The following ZNF711 variants were observed in gnomAD, a reference collection of about 807,000 sequenced individuals.
ZNF711 encodes zinc finger protein 711.
In ZNF711, 3 loss-of-function variants were observed where a neutral mutation model predicts 43.5. The observed-to-expected ratio is 0.07, with a 90% confidence interval of 0.03 to 0.18. The LOEUF is 0.18. Ranked by LOEUF, ZNF711 falls within the 10% of genes least tolerant of loss-of-function variation. The pLI is 1.00. For synonymous variants in ZNF711, 209 were observed against 207.7 expected (o/e 1.01, Z -0.06); for missense variants, 412 against 604.0 (o/e 0.68, Z 3.33).
At position 85,247,203 on chromosome X, in the gene ZNF711, A is replaced by C; in HGVS notation, c.-27+15A>C. The C allele has an allele frequency of 3.2e-6, 1 of 309,054 alleles. No individual in the cohort carries two copies. The highest frequency in any genetic ancestry group is 5.6e-6 in the Non-Finnish European group (1 of 178,510). The allele number at this position is 309,054 out of a possible 1,213,427, so 25.5% of individuals were successfully genotyped here. On this transcript the variant is annotated intron_variant, in intron 3 of 10. Transcript: ENST00000674551. ...CCTCTAGTAATGTATAAATATCCTA[A>C]CTATTGTTTGTTGTCATCTCGTTCT...
At position 85,244,160 on chromosome X, in the gene ZNF711, AGCG is replaced by A; in HGVS notation, c.-428_-426del. ...CGGCGGCGGCGGCAGCGGCGGCGGCAGCGGCGGCGGCAGCTGTAGCTGCAGCAG... is the reference window on the plus strand; with the variant it reads ...CGGCGGCGGCGGCAGCGGCGGCGGCAGCGGCGGCAGCTGTAGCTGCAGCAG... On this transcript the variant is annotated 5_prime_UTR_variant, in exon 1 of 11. Transcript: ENST00000674551. 1 of 150,265 alleles carries A rather than the reference AGCG, an allele frequency of 6.7e-6. No homozygotes were observed. Among genetic ancestry groups the A allele is most frequent in the South Asian group, 2.2e-4 (1 of 4,607 alleles). 12.4% of individuals were successfully genotyped at this position (150,265 alleles called of 1,213,427 possible).
chrX:85,258,971 A>C, intron 5 of ZNF711, among the ~76,000 whole-genome samples: 1 of 111,209 alleles, frequency 9.0e-6, no homozygotes, highest in East Asian at 2.8e-4. Flanking sequence ...CTTAGTCATA[A>C]ATTCTTTCCC....
intron 5 of ZNF711, among the ~76,000 whole-genome samples, chrX:85,261,007 A>G (rs753860818): frequency 1.8e-5 from 2 of 111,653 alleles, no homozygotes; most frequent in Non-Finnish European, 3.8e-5. Context: ...TTAAAATCAT[A>G]AGGAAAATAA....
At chrX:85,254,801 CAAAAAAAAAAAA>C (rs376380248) in intron 4 of ZNF711, among the ~76,000 whole-genome samples, 1 of 35,855 alleles carries the variant, frequency 2.8e-5, no homozygotes, top group East Asian at 8.2e-4. Context: ...GACTCCGTCT[CAAAAAAAAAAAA>C]AAAAAAGAAA....
At chrX:85,259,235 G>T (rs1253823169) in intron 5 of ZNF711, among the ~76,000 whole-genome samples, 2 of 111,110 alleles carry the variant, frequency 1.8e-5, no homozygotes, top group Non-Finnish European at 1.9e-5. Context: ...TTGTTTATGG[G>T]TTCTCTTTTC....
In ZNF711 at chrX:85,247,550, T is replaced by C; in HGVS notation, c.-23T>C. 1 of 1,174,015 alleles carries C rather than the reference T, an allele frequency of 8.5e-7. No individual in the cohort carries two copies. The highest frequency in any genetic ancestry group is 1.2e-6 in the Non-Finnish European group (1 of 864,614). On this transcript the variant is annotated 5_prime_UTR_variant, in exon 4 of 11. Transcript: ENST00000674551. The stretch of plus-strand genomic sequence containing the variant: ...TTAAAAGCCATTTCTTTTGCAGATA[T>C]TGGTGAATGAACTTTGCTAAGTATG...
At chrX:85,263,820 A>G (rs919384684) in intron 5 of ZNF711, among the ~76,000 whole-genome samples, 3 of 111,179 alleles carry the variant, frequency 2.7e-5, no homozygotes, top group African/African-American at 9.7e-5. Context: ...AGATTTTTAT[A>G]TAATTGCGAT....
chrX:85,270,280 G>GTT (rs200962174), intron 10 of ZNF711, 134 bp downstream of exon 10: 489 of 488,100 alleles, frequency 1.0e-3, no homozygotes, highest in Non-Finnish European at 1.2e-3. Context: ...ATAGATAATT[G>GTT]TTTTTTTTTT....
Position 85,255,508 on chromosome X carries a change from A to C in ZNF711, c.329A>C (p.Asp110Ala), listed in dbSNP as rs774515441. Residue 110 changes from aspartate to alanine, a missense_variant, in exon 5 of 11, where the codon GAT (aspartate) becomes GCT (alanine). Transcript: ENST00000674551. ...GAGGATTTAGAGGAAGATGATGGTG[A>C]TCACATCTTGACTTCTGAACTAATT... ...IEEDLEEDDG[D>A]HILTSELITE... 8.3e-7 allele frequency: 1 copy of C among 1,211,879 alleles called. No individual in the cohort carries two copies. Among genetic ancestry groups the C allele is most frequent in the Non-Finnish European group, 1.1e-6 (1 of 895,514 alleles).
rs754773540 is a variant in ZNF711 at position 85,270,846 on chromosome X, G to A, written c.1442G>A (p.Ser481Asn). ...KKVSFHNHLE[S>N]HKLINKVDKT... ...GTGAGTTTCCATAACCACTTAGAAAGCCATAAGCTCATAAACAAAGTCGAC... is the reference window on the plus strand; with the variant it reads ...GTGAGTTTCCATAACCACTTAGAAAACCATAAGCTCATAAACAAAGTCGAC... The change falls in exon 11 of 11, where the codon AGC (serine) becomes AAC (asparagine). Residue 481 changes from serine (S) to asparagine (N), a missense_variant. This residue lies in a region of ZNF711 where 375 missense variants were observed against 514.2 expected (regional missense o/e 0.73). Coordinates refer to ENST00000674551, the MANE Select transcript of ZNF711 (RefSeq NM_001330574.2). The A allele has an allele frequency of 8.3e-7, 1 of 1,207,424 alleles. No homozygotes were observed. The highest frequency in any genetic ancestry group is 1.8e-5 in the South Asian group (1 of 56,349).
At chrX:85,249,540 T>A (rs1929361213) in intron 4 of ZNF711, among the ~76,000 whole-genome samples, 1 of 111,693 alleles carries the variant, frequency 9.0e-6, no homozygotes, top group Non-Finnish European at 1.9e-5. Context: ...ATTTACATAA[T>A]GTTCCTTTTA....
intron 5 of ZNF711, among the ~76,000 whole-genome samples, chrX:85,262,680 G>A (rs1930764276): frequency 9.1e-6 from 1 of 110,448 alleles, no homozygotes; most frequent in South Asian, 3.7e-4. Context: ...ATGAAAATAT[G>A]TAGACTTTAT....
Position 85,270,831 on chromosome X carries a change from A to G in ZNF711, c.1427A>G (p.His476Arg), listed in dbSNP as rs2147874956. The stretch of plus-strand genomic sequence containing the variant: ...ACAACTAACAAGAAAGTGAGTTTCC[A>G]TAACCACTTAGAAAGCCATAAGCTC... ...DFTTNKKVSF[H>R]NHLESHKLIN... is the part of the protein sequence containing the mutation. The change falls in exon 11 of 11, where the codon CAT becomes CGT. Residue 476 changes from histidine (H) to arginine (R), a missense_variant. Coordinates refer to ENST00000674551, the MANE Select transcript of ZNF711 (RefSeq NM_001330574.2). 8.3e-7 allele frequency: 1 copy of G among 1,207,008 alleles called. No individual in the cohort carries two copies. Among genetic ancestry groups the G allele is most frequent in the Non-Finnish European group, 1.1e-6 (1 of 892,825 alleles).
rs145361311 is a variant in ZNF711 at position 85,265,168 on chromosome X, G to A, written c.829G>A (p.Ala277Thr). The A allele has an allele frequency of 2.0e-4, 240 of 1,205,732 alleles. 1 individual carries two copies. The African/African-American group carries it at 3.9e-3, about 19-fold the overall frequency. ...ESEYTSGHSV[A>T]GVLDQSRMQR... The stretch of plus-strand genomic sequence containing the variant: ...TGAGTACACCAGTGGACATTCAGTA[G>A]CTGGAGTGCTTGACCAGAGCCGAAT... Residue 277 changes from alanine to threonine, a missense_variant, in exon 7 of 11, where the codon GCT becomes ACT. Transcript: ENST00000674551.
chrX:85,253,656 A>G lies in ZNF711; in HGVS notation c.80-1603A>G, dbSNP rs773680607. Among the ~76,000 whole-genome samples the G allele has an allele frequency of 2.7e-5, 3 of 109,661 alleles. No individual in the cohort carries two copies. In the South Asian group the frequency reaches 1.2e-3, roughly 42 times the overall value. On this transcript the variant is annotated intron_variant, in intron 4 of 10. Transcript: ENST00000674551. ...TATTCGTGTGTGTGTATGTGAATGT[A>G]TATATTCTATGCAGTTTTATCCCAC... is the stretch of plus-strand genomic sequence containing the variant.
intron 4 of ZNF711, among the ~76,000 whole-genome samples, chrX:85,248,224 C>G (rs1929217788): frequency 9.4e-6 from 1 of 106,274 alleles, no homozygotes; most frequent in Admixed American, 1.0e-4. Flanking sequence ...AATCCCAGCA[C>G]TTTGGGAGGC....
At position 85,254,613 on chromosome X, in the gene ZNF711, CAAAAAAAAAAAAAAAAAAAAA is replaced by C. The variant is rs764074077; in HGVS notation, c.80-627_80-607del. On this transcript the variant is annotated intron_variant, in intron 4 of 10. Coordinates refer to ENST00000674551, the MANE Select transcript of ZNF711 (RefSeq NM_001330574.2). The stretch of plus-strand genomic sequence containing the variant: ...TGGGCGACAGAGCGAGACTCCGTCT[CAAAAAAAAAAAAAAAAAAAAA>C]AAAAAAAAAAAAAAAAAATTAGCCG... Among the ~76,000 whole-genome samples, 8 of 4,295 alleles carry C rather than the reference CAAAAAAAAAAAAAAAAAAAAA, an allele frequency of 1.9e-3. 1 individual carries two copies. The highest frequency in any genetic ancestry group is 0.013 in the Admixed American group (3 of 240). The allele number at this position is 4,295 out of a possible 115,157, so 3.7% of individuals were successfully genotyped here.
At chrX:85,245,111 A>G (rs1266554430) in intron 1 of ZNF711, among the ~76,000 whole-genome samples, 1 of 111,942 alleles carries the variant, frequency 8.9e-6, no homozygotes, top group African/African-American at 3.3e-5. Flanking sequence ...GCTACTTGCC[A>G]GGGCTCCTTT....
At chrX:85,260,747 T>C (rs1159446401) in intron 5 of ZNF711, among the ~76,000 whole-genome samples, 3 of 110,603 alleles carry the variant, frequency 2.7e-5, no homozygotes, top group African/African-American at 6.6e-5. Flanking sequence ...GGGTCATTCA[T>C]GTCATAGCAT....
Sources: allele counts gnomAD v4.1 joint callset (sites outside exome capture counted in the v4.1 genomes callset), GRCh38; gene constraint gnomAD v4.1.1; regional missense constraint gnomAD v4.1.1; transcripts MANE v1.5; gene names NCBI Gene and HGNC (gene_info 2026-07-23, HGNC 2026-07-21).